GLIS3: variants seen among roughly 807,000 people sequenced by gnomAD.
The protein encoded by GLIS3 is GLIS family zinc finger 3, also known as zinc finger protein GLIS3.
GLIS3 carries 53 observed loss-of-function variants against 78.6 expected under a neutral mutation model. The observed-to-expected ratio is 0.67, with a 90% CI of 0.54 to 0.85. The LOEUF (loss-of-function observed/expected upper bound fraction) is 0.85. Ranked by LOEUF, GLIS3 falls within the 40% of genes least tolerant of loss-of-function variation. GLIS3 has a pLI of 0.00. For synonymous variants in GLIS3, 684 were observed against 509.9 expected (o/e 1.34, Z -4.60); for missense variants, 1,703 against 1,231.1 (o/e 1.38, Z -5.74).
chr9:4,475,127 G>A, the GLIS3 span, among the ~76,000 whole-genome samples: 1 of 151,538 alleles, frequency 6.6e-6, no homozygotes, highest in Non-Finnish European at 1.5e-5. Flanking sequence ...CTGAGTAGCT[G>A]GGATTACAGG....
At chr9:4,212,713 G>A (rs997211669) in intron 2 of GLIS3, among the ~76,000 whole-genome samples, 1 of 152,188 alleles carries the variant, frequency 6.6e-6, no homozygotes, top group Non-Finnish European at 1.5e-5. Flanking sequence ...AGATACAGAA[G>A]CCTAGAGGCA....
chr9:3,956,431 T>G (rs1352783880), intron 4 of GLIS3, among the ~76,000 whole-genome samples: 2 of 152,176 alleles, frequency 1.3e-5, no homozygotes, highest in Non-Finnish European at 2.9e-5. Context: ...GGAACAGGCT[T>G]TGATGCCCTT....
At chr9:4,386,182 C>G in the GLIS3 span, among the ~76,000 whole-genome samples, 1 of 152,248 alleles carries the variant, frequency 6.6e-6, no homozygotes, top group Admixed American at 6.5e-5. Flanking sequence ...ACAGAATCTC[C>G]TCTAATCACC....
the GLIS3 span, among the ~76,000 whole-genome samples, chr9:4,455,968 G>C: frequency 6.6e-6 from 1 of 152,066 alleles, no homozygotes; most frequent in African/African-American, 2.4e-5. Context: ...CAAAAAATTA[G>C]CCGGGTGTGG....
At chr9:3,945,524 C>G (rs779864242) in intron 4 of GLIS3, among the ~76,000 whole-genome samples, 6 of 152,080 alleles carry the variant, frequency 3.9e-5, no homozygotes, top group Non-Finnish European at 7.4e-5. Flanking sequence ...ATAATGTGTT[C>G]CAGGAGATAG....
the GLIS3 span, among the ~76,000 whole-genome samples, chr9:4,363,648 A>T: frequency 1.3e-5 from 2 of 152,208 alleles, no homozygotes; most frequent in African/African-American, 2.4e-5. Flanking sequence ...TGGCATCCAG[A>T]ACTGGATTCT....
chr9:4,228,783 G>C (rs1391786917), intron 2 of GLIS3, among the ~76,000 whole-genome samples: 3 of 152,188 alleles, frequency 2.0e-5, no homozygotes, highest in African/African-American at 7.2e-5. Context: ...TACAGAAATT[G>C]CTGGTGCCAC....
At chr9:4,412,825 T>C in the GLIS3 span, among the ~76,000 whole-genome samples, 1 of 152,146 alleles carries the variant, frequency 6.6e-6, no homozygotes, top group African/African-American at 2.4e-5. Context: ...CCATAAAAAC[T>C]TACCAAATGA....
chr9:4,148,821 G>A (rs1425283241), intron 2 of GLIS3, among the ~76,000 whole-genome samples: 2 of 152,050 alleles, frequency 1.3e-5, no homozygotes, highest in Non-Finnish European at 2.9e-5. Flanking sequence ...GAGAAGCCTG[G>A]AGTGGGGGTA....
the GLIS3 span, among the ~76,000 whole-genome samples, chr9:4,484,327 TC>T: frequency 6.9e-6 from 1 of 145,806 alleles, no homozygotes; most frequent in South Asian, 2.2e-4. Context: ...AACCTCTGCC[TC>T]CCAAGTTCAA....
At chr9:3,929,614 G>T (rs1159214003) in intron 6 of GLIS3, among the ~76,000 whole-genome samples, 3 of 152,114 alleles carry the variant, frequency 2.0e-5, no homozygotes, top group Non-Finnish European at 4.4e-5. Flanking sequence ...AGGTTACAAA[G>T]GGGATTAGAG....
intron 2 of GLIS3, among the ~76,000 whole-genome samples, chr9:4,220,761 A>C (rs1587023029): frequency 1.3e-5 from 2 of 152,228 alleles, no homozygotes; most frequent in Middle Eastern, 6.8e-3. Context: ...ATCAAAATAA[A>C]AAATAAAAGA....
the GLIS3 span, among the ~76,000 whole-genome samples, chr9:4,394,085 A>C: frequency 6.6e-6 from 1 of 151,494 alleles, no homozygotes; most frequent in Non-Finnish European, 1.5e-5. Context: ...TCTCTTAAAA[A>C]AAAGAAAAAG....
At chr9:4,252,304 C>A (rs1413274801) in intron 2 of GLIS3, among the ~76,000 whole-genome samples, 2 of 152,030 alleles carry the variant, frequency 1.3e-5, no homozygotes, top group African/African-American at 4.8e-5. Flanking sequence ...TTGTTCATTC[C>A]TTTTCATTCT....
At chr9:3,882,517 G>A (rs1161848532) in intron 7 of GLIS3, among the ~76,000 whole-genome samples, 1 of 152,080 alleles carries the variant, frequency 6.6e-6, no homozygotes, top group Non-Finnish European at 1.5e-5. Context: ...CTAGAAACAG[G>A]TGGTGAAGGG....
chr9:4,133,107 C>T (rs557900193), intron 2 of GLIS3, among the ~76,000 whole-genome samples: 1 of 152,210 alleles, frequency 6.6e-6, no homozygotes, highest in Non-Finnish European at 1.5e-5. Context: ...AAAGTTGAAG[C>T]TCATCGTACT....
At chr9:4,008,575 G>A (rs1821742038) in intron 4 of GLIS3, among the ~76,000 whole-genome samples, 1 of 152,148 alleles carries the variant, frequency 6.6e-6, no homozygotes, top group South Asian at 2.1e-4. Context: ...TTAACAGAGG[G>A]GCAAAAGTTG....
At chr9:4,414,792 T>A in the GLIS3 span, among the ~76,000 whole-genome samples, 1 of 152,162 alleles carries the variant, frequency 6.6e-6, no homozygotes, top group Non-Finnish European at 1.5e-5. Flanking sequence ...AATGTCCAAT[T>A]TGGTTTCTCA....
chr9:4,090,706 G>A (rs533991902), intron 4 of GLIS3, among the ~76,000 whole-genome samples: 1 of 152,318 alleles, frequency 6.6e-6, no homozygotes, highest in South Asian at 2.1e-4. Context: ...CTTAGTTTCC[G>A]CTAGTAGTAG....
Sources: allele counts gnomAD v4.1 joint callset (sites outside exome capture counted in the v4.1 genomes callset), GRCh38; gene constraint gnomAD v4.1.1; transcripts MANE v1.5; gene names NCBI Gene and HGNC (gene_info 2026-07-23, HGNC 2026-07-21).